Variants in PCDHA9 observed in about 807,000 individuals in gnomAD.
The protein encoded by PCDHA9 is protocadherin alpha-9.
Under a neutral mutation model 62.0 loss-of-function variants are expected in PCDHA9, and 62 were observed. The observed-to-expected ratio is 1.00, with a 90% confidence interval of 0.81 to 1.23. PCDHA9 has a LOEUF of 1.23. PCDHA9 is among the 50% of genes most tolerant of loss of function. PCDHA9 has a pLI of 0.00. For missense variants in PCDHA9, 1,205 were observed against 1,249.8 expected (o/e 0.96, Z 0.54); for synonymous variants, 557 against 567.6 (o/e 0.98, Z 0.27).
chr5:140,968,184 C>T, intron 1 of PCDHA9: 1 of 1,614,050 alleles, frequency 6.2e-7, no homozygotes, highest in Non-Finnish European at 8.5e-7. Flanking sequence ...CTGGAGGACT[C>T]CTATTCCATC....
chr5:140,967,548 C>G (rs782750678), intron 1 of PCDHA9: 1 of 1,613,922 alleles, frequency 6.2e-7, no homozygotes, highest in Admixed American at 1.7e-5. Flanking sequence ...GACCAGTCCA[C>G]TTATCGCGTC....
Position 140,969,016 on chromosome 5 carries a change from A to C in PCDHA9, c.2395-9933A>C. Reference sequence around the variant, plus strand: ...GTGGAGGCTTCTGTGGAGTAAGGGAAAGGTCCCCTGCAGAACTGTACAAAC... The same window carrying C: ...GTGGAGGCTTCTGTGGAGTAAGGGACAGGTCCCCTGCAGAACTGTACAAAC... On this transcript the variant is annotated intron_variant, in intron 1 of 3. Coordinates refer to ENST00000532602, the MANE Select transcript of PCDHA9 (RefSeq NM_031857.2). 6.2e-7 allele frequency: 1 copy of C among 1,614,172 alleles called. No homozygotes were observed. Among genetic ancestry groups the C allele is most frequent in the South Asian group, 1.1e-5 (1 of 91,072 alleles).
chr5:140,861,489 T>A, intron 1 of PCDHA9: 1 of 487,812 alleles, frequency 2.0e-6, no homozygotes, highest in South Asian at 1.6e-5. Context: ...TTTTGTGAGT[T>A]CTCTGATAGA....
rs200912451 is a variant in PCDHA9 at position 140,850,965 on chromosome 5, G to A, written c.2394+76G>A. The A allele has an allele frequency of 1.1e-4, 159 of 1,464,076 alleles. 6 individuals are homozygous for A. The highest frequency in any genetic ancestry group is 1.3e-4 in the Non-Finnish European group (139 of 1,096,434). 90.7% of individuals were successfully genotyped at this position (1,464,076 alleles called of 1,614,324 possible). On this transcript the variant is annotated intron_variant, in intron 1 of 3. Transcript: ENST00000532602. The stretch of plus-strand genomic sequence containing the variant: ...ATATTATCGATTACTCCCAGGGGCC[G>A]TTCAAATAGTTTTATTCATTTTTCT...
chr5:140,921,030 G>C (rs1266143728), intron 1 of PCDHA9, among the ~76,000 whole-genome samples: 2 of 151,532 alleles, frequency 1.3e-5, no homozygotes, highest in Admixed American at 6.6e-5. Context: ...TCTAGACTGG[G>C]GTGCAGTGGG....
intron 1 of PCDHA9, among the ~76,000 whole-genome samples, chr5:140,919,657 A>G (rs1341455821): frequency 3.9e-5 from 6 of 152,258 alleles, no homozygotes; most frequent in Non-Finnish European, 8.8e-5. Flanking sequence ...AGTTTACCAT[A>G]TATATTTTAG....
At position 140,988,717 on chromosome 5, in the gene PCDHA9, T is replaced by C. The variant is rs79402139; in HGVS notation, c.2542+6154T>C. Among the ~76,000 whole-genome samples, 1,208 of 152,334 alleles carry C rather than the reference T, an allele frequency of 7.9e-3. 20 individuals carry two copies. Among genetic ancestry groups the C allele is most frequent in the African/African-American group, 0.027 (1,139 of 41,566 alleles). On this transcript the variant is annotated intron_variant, in intron 3 of 3. Transcript: ENST00000532602. ...CTCTGTATTTTCTTGGACCTCTCATTTGCCCCATAGTAATTATTCTAGGAT... is the reference window on the plus strand; with the variant it reads ...CTCTGTATTTTCTTGGACCTCTCATCTGCCCCATAGTAATTATTCTAGGAT...
At chr5:140,948,784 T>C (rs1486580473) in intron 1 of PCDHA9, among the ~76,000 whole-genome samples, 6 of 151,646 alleles carry the variant, frequency 4.0e-5, no homozygotes, top group African/African-American at 1.4e-4. Flanking sequence ...CTTTTGGCTT[T>C]GTTGATATAT....
At chr5:140,917,653 G>A (rs1400141765) in intron 1 of PCDHA9, among the ~76,000 whole-genome samples, 1 of 152,160 alleles carries the variant, frequency 6.6e-6, no homozygotes, top group Non-Finnish European at 1.5e-5. Flanking sequence ...GCAATATTGA[G>A]TAGGAAGTCC....
intron 1 of PCDHA9, among the ~76,000 whole-genome samples, chr5:140,905,043 A>T (rs782694794): frequency 1.5e-4 from 23 of 152,126 alleles, no homozygotes; most frequent in Non-Finnish European, 5.9e-5. Flanking sequence ...TAGTTTAATT[A>T]GGTCCCATTT....
intron 1 of PCDHA9, among the ~76,000 whole-genome samples, chr5:140,911,635 G>A (rs906127782): frequency 2.0e-5 from 3 of 152,148 alleles, no homozygotes; most frequent in African/African-American, 7.2e-5. Flanking sequence ...ATGGTCAAAG[G>A]TATTACATAT....
chr5:140,994,190 C>G (rs1377695035), intron 3 of PCDHA9, among the ~76,000 whole-genome samples: 1 of 152,136 alleles, frequency 6.6e-6, no homozygotes, highest in Non-Finnish European at 1.5e-5. Context: ...ACCACCAGGG[C>G]CTGTTGGTCC....
At chr5:141,002,085 A>G (rs959603404) in intron 3 of PCDHA9, among the ~76,000 whole-genome samples, 1 of 152,244 alleles carries the variant, frequency 6.6e-6, no homozygotes, top group African/African-American at 2.4e-5. Context: ...AAGAACGAGC[A>G]GTCCAGGGGC....
chr5:140,998,228 T>G (rs528236708), intron 3 of PCDHA9, among the ~76,000 whole-genome samples: 1 of 152,288 alleles, frequency 6.6e-6, no homozygotes, highest in East Asian at 1.9e-4. Flanking sequence ...ACCCAGAAAT[T>G]TGTGCATTAT....
At chr5:140,862,291 C>G (rs1029513176) in intron 1 of PCDHA9, 4 of 265,238 alleles carry the variant, frequency 1.5e-5, no homozygotes, top group African/African-American at 6.6e-5. Context: ...TACAGGAGGA[C>G]GCTCCACTGG....
At chr5:140,997,636 A>G (rs2097777002) in intron 3 of PCDHA9, among the ~76,000 whole-genome samples, 2 of 151,964 alleles carry the variant, frequency 1.3e-5, no homozygotes, top group African/African-American at 4.8e-5. Flanking sequence ...AAAAAGCAAA[A>G]TGGGATAATG....
At chr5:140,925,833 CG>C (rs2082756406) in intron 1 of PCDHA9, among the ~76,000 whole-genome samples, 1 of 152,070 alleles carries the variant, frequency 6.6e-6, no homozygotes, top group Admixed American at 6.5e-5. Flanking sequence ...GGGGACGGGT[CG>C]TCAAGTCTTT....
At chr5:140,870,990 G>A (rs781832962) in intron 1 of PCDHA9, 2 of 1,613,518 alleles carry the variant, frequency 1.2e-6, no homozygotes, top group South Asian at 1.1e-5. Context: ...ACACGGGCGA[G>A]ATAAGCACAA....
chr5:140,906,010 C>T (rs1465949058), intron 1 of PCDHA9, among the ~76,000 whole-genome samples: 1 of 152,210 alleles, frequency 6.6e-6, no homozygotes, highest in Admixed American at 6.5e-5. Flanking sequence ...CTAAGCCAGT[C>T]TAATCTCTCC....
Sources: gnomAD v4.1 joint callset for allele counts (sites outside exome capture counted in the v4.1 genomes callset) on GRCh38, gnomAD v4.1.1 for gene constraint, MANE v1.5 for transcripts, NCBI Gene and HGNC (gene_info 2026-07-23, HGNC 2026-07-21) for gene names.